The following MYO9A variants were observed in gnomAD, a reference collection of about 807,000 sequenced individuals.
MYO9A encodes unconventional myosin-IXa.
MYO9A carries 103 observed loss-of-function variants against 293.3 expected under a neutral mutation model. The ratio of observed to expected loss-of-function variants is 0.35; its 90% CI spans 0.30 to 0.41. The LOEUF is 0.41. Among genes scored for constraint, MYO9A ranks in the 10% least tolerant of loss-of-function variants. The probability of loss-of-function intolerance (pLI) is 1.00; values close to 1 mark genes in which losing one functional copy is unlikely to be tolerated. For synonymous variants in MYO9A, 1,001 were observed against 1,035.7 expected, an observed-to-expected ratio of 0.97 and a Z score of 0.64; for missense variants, 2,685 against 3,033.0, an observed-to-expected ratio of 0.89 and a Z score of 2.69.
intron 1 of MYO9A, among the ~76,000 whole-genome samples, chr15:72,082,179 G>T (rs1278180333): frequency 6.6e-6 from 1 of 152,078 alleles, no homozygotes; most frequent in African/African-American, 2.4e-5. Context: ...TTTTCTATTA[G>T]TTTGTGTCAT....
At chr15:72,001,293 G>A (rs946079845) in intron 8 of MYO9A, among the ~76,000 whole-genome samples, 1 of 152,146 alleles carries the variant, frequency 6.6e-6, no homozygotes, top group African/African-American at 2.4e-5. Context: ...GGTAGCTCAC[G>A]ACTGTACTCC....
At chr15:72,093,495 C>G (rs2079981831) in intron 1 of MYO9A, among the ~76,000 whole-genome samples, 1 of 152,158 alleles carries the variant, frequency 6.6e-6, no homozygotes, top group Non-Finnish European at 1.5e-5. Flanking sequence ...GAGATCACAC[C>G]ACTGCACTCC....
chr15:72,037,240 G>A (rs1453463091), intron 2 of MYO9A, among the ~76,000 whole-genome samples: 1 of 113,400 alleles, frequency 8.8e-6, no homozygotes, highest in Non-Finnish European at 1.7e-5. Flanking sequence ...AACTGCTTAA[G>A]GTGGCAATAA....
chr15:72,091,288 T>G (rs771862034), intron 1 of MYO9A, among the ~76,000 whole-genome samples: 1 of 152,164 alleles, frequency 6.6e-6, no homozygotes, highest in Non-Finnish European at 1.5e-5. Flanking sequence ...CAAACAAAAT[T>G]CACCATTTCT....
At position 72,044,795 on chromosome 15, in the gene MYO9A, C is replaced by A. The variant is rs570492845; in HGVS notation, c.840+929G>T. On this transcript the variant is annotated intron_variant, in intron 2 of 41. Coordinates refer to ENST00000356056, the MANE Select transcript of MYO9A (RefSeq NM_006901.4). ...AAATATATCAGCAAAAATATTTTCA[C>A]CAACCATCACAATGCAGTTAGACAC... 9.8e-5 allele frequency among the ~76,000 whole-genome samples: 15 copies of A among 152,336 alleles called. No homozygotes were observed. The East Asian group carries it at 2.9e-3, about 29-fold the overall frequency.
Position 71,903,035 on chromosome 15 carries a change from A to G in MYO9A, c.2906T>C (p.Leu969Pro), listed in dbSNP as rs185857633. Residue 969 changes from leucine to proline, a missense_variant, in exon 22 of 42, where the codon CTT (leucine) becomes CCT (proline). Coordinates refer to ENST00000356056, the MANE Select transcript of MYO9A (RefSeq NM_006901.4). ...TTTGGATGGAATAATATTTCGGGGA[A>G]GAAGTACATGGAAGTGGCTCACAAA... Reference protein sequence around the residue: ...QDFVSHFHVLLPRNIIPSKFN... With the variant: ...QDFVSHFHVLPPRNIIPSKFN... 6.3e-7 allele frequency: 1 copy of G among 1,594,030 alleles called. No individual in the cohort carries two copies. Among genetic ancestry groups the G allele is most frequent in the East Asian group, 2.2e-5 (1 of 44,660 alleles).
rs1238405000 is a variant in MYO9A at position 71,935,393 on chromosome 15, A to G, written c.2470T>C (p.Phe824Leu). Residue 824 changes from phenylalanine to leucine, a missense_variant, in exon 17 of 42, where the codon TTT becomes CTT. By Grantham distance (22) the Phe-to-Leu change is conservative. Coordinates refer to ENST00000356056, the MANE Select transcript of MYO9A (RefSeq NM_006901.4). ...AGTTTGCTGCTAGTTGAATTAGCAA[A>G]TATTCCATCTTTATCAAGCAAGGAG... ...GTSLLDKDGI[F>L]ANSTSSKLLE... 1 of 1,613,714 alleles carries G rather than the reference A, an allele frequency of 6.2e-7. No individual in the cohort carries two copies.
chr15:72,109,987 A>G (rs968216920), intron 1 of MYO9A, among the ~76,000 whole-genome samples: 1 of 86,612 alleles, frequency 1.2e-5, no homozygotes, highest in African/African-American at 3.7e-5. Flanking sequence ...TCTCCCTTAC[A>G]TTAAAAAAAA....
intron 4 of MYO9A, 68 bp downstream of exon 4, chr15:72,027,663 G>C: frequency 3.3e-6 from 4 of 1,199,028 alleles, no homozygotes; most frequent in Non-Finnish European, 4.8e-6. Flanking sequence ...AATACACAAA[G>C]ACCTTAAAAG....
At chr15:71,893,084 T>C in intron 26 of MYO9A, 4 of 1,290,064 alleles carry the variant, frequency 3.1e-6, no homozygotes, top group Non-Finnish European at 4.0e-6. Flanking sequence ...TCTTCCTCTG[T>C]ATCCCCCTCC....
intron 1 of MYO9A, among the ~76,000 whole-genome samples, chr15:72,063,158 T>C (rs1196198653): frequency 2.6e-5 from 4 of 152,206 alleles, no homozygotes; most frequent in Non-Finnish European, 5.9e-5. Flanking sequence ...AAAGACATTC[T>C]CTTCAATAAA....
chr15:71,880,391 G>C lies in MYO9A; in HGVS notation c.5566C>G (p.Gln1856Glu), dbSNP rs1793924846. 8 of 1,614,164 alleles carry C rather than the reference G, an allele frequency of 5.0e-6. No homozygotes were observed. Among genetic ancestry groups the C allele is most frequent in the Non-Finnish European group, 6.8e-6 (8 of 1,180,014 alleles). ...DSMHWQNDSV[Q>E]IIASVSDLKS... is the part of the protein sequence containing the mutation. ...AAATCACTGACACTTGCTATGATCT[G>C]GACAGAGTCATTTTGCCAATGCATA... The change falls in exon 29 of 42, where the codon CAG becomes GAG. Residue 1856 changes from glutamine to glutamate, a missense_variant. Physicochemically the swap from Gln to Glu is conservative, Grantham distance 29. Coordinates refer to ENST00000356056, the MANE Select transcript of MYO9A (RefSeq NM_006901.4).
intron 12 of MYO9A, among the ~76,000 whole-genome samples, chr15:71,970,091 G>T (rs1014998806): frequency 3.3e-5 from 5 of 152,138 alleles, no homozygotes; most frequent in Non-Finnish European, 7.4e-5. Flanking sequence ...CCTAACTTCG[G>T]TTGTTAAAAT....
rs986610772 is a variant in MYO9A, at chr15:71,897,739, G to C, written c.4764C>G (p.Asp1588Glu). ...SLKDAALAQKDSSSAHLPPKD... is the reference protein window; with the variant it reads ...SLKDAALAQKESSSAHLPPKD... ...TTGGGGGTAAGTGAGCAGAGGAACTGTCTTTTTGGGCAAGAGCTGCATCTT... is the reference window on the plus strand; with the variant it reads ...TTGGGGGTAAGTGAGCAGAGGAACTCTCTTTTTGGGCAAGAGCTGCATCTT... Residue 1588 changes from aspartate (D) to glutamate (E), a missense_variant, in exon 25 of 42, where the codon GAC (aspartate) becomes GAG (glutamate). By Grantham distance (45) the Asp-to-Glu change is conservative (BLOSUM62 2). Transcript: ENST00000356056. 2.5e-6 allele frequency: 4 copies of C among 1,614,098 alleles called. No individual in the cohort carries two copies. Among genetic ancestry groups the C allele is most frequent in the African/African-American group, 2.7e-5 (2 of 75,036 alleles).
intron 17 of MYO9A, among the ~76,000 whole-genome samples, chr15:71,934,428 A>G (rs1012267038): frequency 6.6e-6 from 1 of 152,122 alleles, no homozygotes; most frequent in African/African-American, 2.4e-5. Context: ...GAGTTAATGT[A>G]TATCTCTGGG....
At chr15:71,965,737 C>A (rs1011192857) in intron 13 of MYO9A, among the ~76,000 whole-genome samples, 3 of 152,296 alleles carry the variant, frequency 2.0e-5, no homozygotes, top group African/African-American at 7.2e-5. Context: ...AGCGAGACTC[C>A]GTCTCAAAAC....
chr15:72,066,837 C>T (rs2079036996), intron 1 of MYO9A, among the ~76,000 whole-genome samples: 1 of 151,750 alleles, frequency 6.6e-6, no homozygotes, highest in Admixed American at 6.6e-5. Flanking sequence ...TGCACCATTG[C>T]TCTCCAGCCT....
intron 1 of MYO9A, among the ~76,000 whole-genome samples, chr15:72,113,656 C>G (rs561917827): frequency 2.6e-5 from 4 of 152,234 alleles, no homozygotes; most frequent in African/African-American, 7.2e-5. Flanking sequence ...ATGCTCACAA[C>G]CCCATTTTGC....
At chr15:71,849,911 G>A in intron 38 of MYO9A, 125 bp downstream of exon 38, 1 of 945,910 alleles carries the variant, frequency 1.1e-6, no homozygotes. Context: ...ACCCAGCAGT[G>A]TCCAACAATC....
Sources: allele counts gnomAD v4.1 joint callset (sites outside exome capture counted in the v4.1 genomes callset), GRCh38; gene constraint gnomAD v4.1.1; transcripts MANE v1.5; gene names NCBI Gene and HGNC (gene_info 2026-07-23, HGNC 2026-07-21).